The following TANGO6 variants were observed in gnomAD, a reference collection of about 807,000 sequenced individuals.
The protein encoded by TANGO6 is transport and golgi organization 6 homolog.
In TANGO6, 90 loss-of-function variants were observed where a neutral mutation model predicts 114.2. The ratio of observed to expected loss-of-function variants is 0.79; its 90% CI spans 0.66 to 0.94. TANGO6 has a LOEUF of 0.94. Among genes scored for constraint, TANGO6 ranks in the 40% least tolerant of loss-of-function variants. The probability of loss-of-function intolerance (pLI) is 0.00; values close to 1 mark genes in which losing one functional copy is unlikely to be tolerated. For missense variants in TANGO6, 1,274 were observed against 1,315.3 expected (o/e 0.97, Z 0.49); for synonymous variants, 477 against 509.8 (o/e 0.94, Z 0.87).
At chr16:69,026,707 CTGTT>C (rs142371377) in intron 16 of TANGO6, 10 of 152,888 alleles carry the variant, frequency 6.5e-5, no homozygotes, top group Middle Eastern at 3.2e-3. Context: ...AGGATCAAAT[CTGTT>C]TGTTTGTTTG....
chr16:68,859,839 T>C lies in TANGO6; in HGVS notation c.95-45T>C, dbSNP rs759766075. ...GGCATTCCACAGGGGGAAGTGCAGC[T>C]TGTTTTCTATGTGTATAAACTCTCC... is the stretch of plus-strand genomic sequence containing the variant. On this transcript the variant is annotated intron_variant, in intron 1 of 17. Transcript: ENST00000261778. The C allele has an allele frequency of 2.7e-6, 4 of 1,509,044 alleles. No individual in the cohort carries two copies. In the South Asian group the frequency reaches 4.2e-5, roughly 16 times the overall value. The allele number at this position is 1,509,044 out of a possible 1,614,324, so 93.5% of individuals were successfully genotyped here.
chr16:69,060,446 G>A (rs903884843), intron 17 of TANGO6, among the ~76,000 whole-genome samples: 3 of 152,084 alleles, frequency 2.0e-5, no homozygotes, highest in African/African-American at 7.2e-5. Context: ...AATAAAAAAT[G>A]TAGCTTAGTA....
At chr16:68,936,300 A>G (rs766114541) in intron 14 of TANGO6, among the ~76,000 whole-genome samples, 1 of 152,208 alleles carries the variant, frequency 6.6e-6, no homozygotes, top group African/African-American at 2.4e-5. Context: ...AGTATGATAA[A>G]TAAGTGATAT....
rs934939269 is a variant in TANGO6, at chr16:68,964,241, C to A, written c.2702-9787C>A. 2.6e-5 allele frequency among the ~76,000 whole-genome samples: 4 copies of A among 151,900 alleles called. No individual in the cohort carries two copies. In the South Asian group the frequency reaches 8.3e-4, roughly 32 times the overall value. ...GATCGCTATATTATATCTATTGAAACATCACCATGTACCCTATGAATATGT... is the reference window on the plus strand; with the variant it reads ...GATCGCTATATTATATCTATTGAAAAATCACCATGTACCCTATGAATATGT... On this transcript the variant is annotated intron_variant, in intron 14 of 17. Transcript: ENST00000261778.
chr16:68,906,495 C>G (rs1401401392), intron 9 of TANGO6, among the ~76,000 whole-genome samples: 1 of 152,120 alleles, frequency 6.6e-6, no homozygotes, highest in African/African-American at 2.4e-5. Flanking sequence ...TCCTCAGGAC[C>G]CAGAATATCT....
rs139900953 is a variant in TANGO6 at position 68,878,018 on chromosome 16, A to G, written c.1132-100A>G. 50 of 1,011,492 alleles carry G rather than the reference A, an allele frequency of 4.9e-5. No homozygotes were observed. The African/African-American group carries it at 7.2e-4, about 15-fold the overall frequency. The allele number at this position is 1,011,492 out of a possible 1,614,324, so 62.7% of individuals were successfully genotyped here. ...CTGTTGAATCAGTGTTATTGAGGTGAATTTATTTTTTGTCTTAAAGAAATT... is the reference window on the plus strand; with the variant it reads ...CTGTTGAATCAGTGTTATTGAGGTGGATTTATTTTTTGTCTTAAAGAAATT... On this transcript the variant is annotated intron_variant, in intron 5 of 17. Transcript: ENST00000261778.
At chr16:69,041,446 CAA>C (rs112497627) in intron 17 of TANGO6, among the ~76,000 whole-genome samples, 19 of 117,154 alleles carry the variant, frequency 1.6e-4, no homozygotes, top group Admixed American at 2.6e-4. Flanking sequence ...AATTCTGTCT[CAA>C]AAAAAAAAAA....
chr16:68,966,168 G>A (rs1963643356), intron 14 of TANGO6, among the ~76,000 whole-genome samples: 2 of 152,164 alleles, frequency 1.3e-5, no homozygotes, highest in Non-Finnish European at 2.9e-5. Context: ...TGAAGCTGCA[G>A]TGAGCTGTGA....
chr16:69,018,339 G>T (rs1372820527), intron 15 of TANGO6, among the ~76,000 whole-genome samples: 2 of 150,164 alleles, frequency 1.3e-5, no homozygotes, highest in South Asian at 4.2e-4. Flanking sequence ...TAGTAGAGAC[G>T]GGGTTTCACC....
intron 17 of TANGO6, among the ~76,000 whole-genome samples, chr16:69,066,850 T>G (rs1205553477): frequency 6.6e-6 from 1 of 152,110 alleles, no homozygotes; most frequent in East Asian, 1.9e-4. Context: ...GCCAGGAGTT[T>G]AAGACAAGCC....
At chr16:69,069,815 G>T (rs534849266) in intron 17 of TANGO6, among the ~76,000 whole-genome samples, 1 of 152,194 alleles carries the variant, frequency 6.6e-6, no homozygotes, top group South Asian at 2.1e-4. Flanking sequence ...AAGGAAAGGG[G>T]TCTCCATTCC....
intron 15 of TANGO6, among the ~76,000 whole-genome samples, chr16:69,004,905 G>C (rs538676933): frequency 3.3e-5 from 5 of 152,268 alleles, no homozygotes; most frequent in African/African-American, 1.2e-4. Flanking sequence ...AGAAAATGCT[G>C]TTACAGAAAA....
chr16:68,992,720 G>C (rs1202219405), intron 15 of TANGO6, among the ~76,000 whole-genome samples: 1 of 152,134 alleles, frequency 6.6e-6, no homozygotes, highest in Non-Finnish European at 1.5e-5. Context: ...ATCTTTCCAA[G>C]TCATTCTTAT....
chr16:68,877,614 AT>A (rs1000421788), intron 5 of TANGO6, among the ~76,000 whole-genome samples: 22 of 148,054 alleles, frequency 1.5e-4, no homozygotes, highest in Middle Eastern at 3.5e-3. Flanking sequence ...GGCAAAAAAA[AT>A]TTTTTTTTTT....
At chr16:69,063,962 G>A (rs190878369) in intron 17 of TANGO6, among the ~76,000 whole-genome samples, 1,942 of 152,028 alleles carry the variant, frequency 0.013, 20 homozygotes, top group Middle Eastern at 0.024. Context: ...TCAGCCTCCT[G>A]AGTAGCTGGG....
intron 14 of TANGO6, among the ~76,000 whole-genome samples, chr16:68,972,653 G>A (rs1963718598): frequency 6.6e-6 from 1 of 152,038 alleles, no homozygotes; most frequent in Non-Finnish European, 1.5e-5. Flanking sequence ...GATACAGCAG[G>A]GAACAAAAGA....
chr16:69,046,208 A>G (rs1959855882), intron 17 of TANGO6, among the ~76,000 whole-genome samples: 1 of 152,196 alleles, frequency 6.6e-6, no homozygotes, highest in Admixed American at 6.5e-5. Flanking sequence ...ACAACCCAAT[A>G]TAAGTTACTC....
At chr16:69,076,248 C>T (rs959697759) in intron 17 of TANGO6, among the ~76,000 whole-genome samples, 7 of 149,240 alleles carry the variant, frequency 4.7e-5, no homozygotes, top group African/African-American at 9.9e-5. Context: ...CCCACCACCA[C>T]GCCTGGCTAA....
intron 4 of TANGO6, among the ~76,000 whole-genome samples, chr16:68,872,262 T>A (rs1241602713): frequency 6.6e-6 from 1 of 151,980 alleles, no homozygotes; most frequent in Non-Finnish European, 1.5e-5. Flanking sequence ...TGTCTTCTAA[T>A]TCTGTTATCT....
Sources: gnomAD v4.1 joint callset for allele counts (sites outside exome capture counted in the v4.1 genomes callset) on GRCh38, gnomAD v4.1.1 for gene constraint, MANE v1.5 for transcripts, NCBI Gene and HGNC (gene_info 2026-07-23, HGNC 2026-07-21) for gene names.